RBFOX3: variants seen among roughly 807,000 people sequenced by gnomAD.
RBFOX3 encodes RNA binding fox-1 homolog 3, also known as RNA binding protein fox-1 homolog 3.
In RBFOX3, 17 loss-of-function variants were observed where a neutral mutation model predicts 48.7. The ratio of observed to expected loss-of-function variants is 0.35; its 90% CI spans 0.24 to 0.52. RBFOX3 has a LOEUF of 0.52. RBFOX3 is among the 20% of genes least tolerant of loss of function. The probability of loss-of-function intolerance (pLI) is 0.94; values close to 1 mark genes in which losing one functional copy is unlikely to be tolerated. For missense variants in RBFOX3, 382 were observed against 497.5 expected, an observed-to-expected ratio of 0.77 and a Z score of 2.21; for synonymous variants, 212 against 209.5, an observed-to-expected ratio of 1.01 and a Z score of -0.10.
rs2065804468 is a variant in RBFOX3 at position 79,418,929 on chromosome 17, T to C, written c.-175+63525A>G. On this transcript the variant is annotated intron_variant, in intron 2 of 14. Transcript: ENST00000693108. This position sits in a 1 kb window ranked among gnomAD's most constrained non-coding sequence, Gnocchi z 5.0. ...GTATCCTTATTTAATCTATAGCAAT[T>C]ATATTCACATTCTGCTAGACAAATA... Among the ~76,000 whole-genome samples the C allele has an allele frequency of 6.6e-6, 1 of 152,128 alleles. No homozygotes were observed. Among genetic ancestry groups the C allele is most frequent in the South Asian group, 2.1e-4 (1 of 4,826 alleles).
At chr17:79,108,022 C>T (rs756796431) in intron 5 of RBFOX3, among the ~76,000 whole-genome samples, 5 of 152,230 alleles carry the variant, frequency 3.3e-5, no homozygotes, top group Middle Eastern at 3.2e-3. Context: ...TTCGCCTTCC[C>T]GCCTCAATTC....
intron 4 of RBFOX3, among the ~76,000 whole-genome samples, chr17:79,190,065 A>G (rs2054160747): frequency 6.6e-6 from 1 of 152,230 alleles, no homozygotes; most frequent in Non-Finnish European, 1.5e-5. Flanking sequence ...CTCCTTCAGC[A>G]TCAGGGTCAA....
the RBFOX3 span, among the ~76,000 whole-genome samples, chr17:79,653,671 G>A: frequency 6.6e-6 from 1 of 152,054 alleles, no homozygotes; most frequent in African/African-American, 2.4e-5. Flanking sequence ...AGCAGTAGAA[G>A]AATAGGCAGA....
intron 2 of RBFOX3, among the ~76,000 whole-genome samples, chr17:79,373,292 C>T (rs374479293): frequency 6.6e-6 from 1 of 152,138 alleles, no homozygotes; most frequent in African/African-American, 2.4e-5. Flanking sequence ...AGGGCCTAGT[C>T]GACACCTCTC....
At chr17:79,248,241 T>G (rs1328961837) in intron 3 of RBFOX3, among the ~76,000 whole-genome samples, 3 of 147,914 alleles carry the variant, frequency 2.0e-5, no homozygotes, top group Non-Finnish European at 4.5e-5. Context: ...TGTGTGTGTG[T>G]TTTTTTTTTG....
intron 4 of RBFOX3, among the ~76,000 whole-genome samples, chr17:79,197,214 G>GGGGCTGTCCACATACAGCCCTCCC (rs1286174780): frequency 6.6e-6 from 1 of 151,368 alleles, no homozygotes; most frequent in African/African-American, 2.4e-5. Flanking sequence ...GCAGCCCTCC[G>GGGGCTGTCCACATACAGCCCTCCC]TCGGGGCTGT....
intron 5 of RBFOX3, among the ~76,000 whole-genome samples, chr17:79,108,787 TC>T (rs1256053802): frequency 6.6e-6 from 1 of 152,232 alleles, no homozygotes; most frequent in African/African-American, 2.4e-5. Context: ...AGTCACCACT[TC>T]CTGGGCTGCG....
At chr17:79,433,763 A>C (rs531020602) in intron 2 of RBFOX3, among the ~76,000 whole-genome samples, 1 of 151,864 alleles carries the variant, frequency 6.6e-6, no homozygotes, top group Admixed American at 6.5e-5. Flanking sequence ...TGCCATGGTT[A>C]TGTTCTATCA....
At chr17:79,301,755 T>C (rs774457529) in intron 3 of RBFOX3, among the ~76,000 whole-genome samples, 6 of 152,102 alleles carry the variant, frequency 3.9e-5, no homozygotes, top group Non-Finnish European at 7.4e-5. Flanking sequence ...CACCCATACG[T>C]TGGAAACTAT....
At chr17:79,156,353 G>A (rs2145095526) in intron 4 of RBFOX3, among the ~76,000 whole-genome samples, 1 of 152,216 alleles carries the variant, frequency 6.6e-6, no homozygotes, top group Middle Eastern at 3.4e-3. Context: ...GCCTCCCGGG[G>A]CCTACACCAG....
At chr17:79,429,489 C>G (rs782187240) in intron 2 of RBFOX3, among the ~76,000 whole-genome samples, 2 of 152,100 alleles carry the variant, frequency 1.3e-5, no homozygotes, top group African/African-American at 4.8e-5. Context: ...GAGGCCATGC[C>G]GTGGACTGGG....
rs1466820623 is a variant in RBFOX3 at position 79,243,912 on chromosome 17, AG to A, written c.-73-8108del. Among the ~76,000 whole-genome samples the A allele has an allele frequency of 6.6e-6, 1 of 152,068 alleles. No homozygotes were observed. The highest frequency in any genetic ancestry group is 2.1e-4 in the South Asian group (1 of 4,814). On this transcript the variant is annotated intron_variant, in intron 3 of 14. Coordinates refer to ENST00000693108, the MANE Select transcript of RBFOX3 (RefSeq NM_001350451.2). The surrounding 1 kb of genome is among the most constrained non-coding windows in gnomAD (Gnocchi z 7.9). ...AGAAATGGCCTGCGGTCCCAGAGGTAGGGGGCAGGTGGGAGGCCCAGTGTGG... is the reference window on the plus strand; with the variant it reads ...AGAAATGGCCTGCGGTCCCAGAGGTAGGGGCAGGTGGGAGGCCCAGTGTGG...
In RBFOX3 at chr17:79,343,803, A is replaced by G. The variant is rs578176398; in HGVS notation, c.-174-35979T>C. On this transcript the variant is annotated intron_variant, in intron 2 of 14. Coordinates refer to ENST00000693108, the MANE Select transcript of RBFOX3 (RefSeq NM_001350451.2). ...GTCCTGTCAGCCCATCTTACAGGTG[A>G]GGAAGCTGAACTCAGAGGTGGAAGA... 3.3e-5 allele frequency among the ~76,000 whole-genome samples: 5 copies of G among 152,288 alleles called. No homozygotes were observed. The East Asian group carries it at 9.6e-4, about 29-fold the overall frequency.
At chr17:79,575,182 G>C (rs1478906330) in intron 1 of RBFOX3, among the ~76,000 whole-genome samples, 2 of 152,230 alleles carry the variant, frequency 1.3e-5, no homozygotes, top group Non-Finnish European at 2.9e-5. Context: ...AAAGGCGCTG[G>C]TTCAACGCAC....
intron 4 of RBFOX3, among the ~76,000 whole-genome samples, chr17:79,210,190 G>A (rs563038776): frequency 1.6e-4 from 25 of 152,178 alleles, no homozygotes; most frequent in Non-Finnish European, 2.9e-4. Flanking sequence ...GGGGCCACCC[G>A]GTTAGGGCAA....
intron 2 of RBFOX3, among the ~76,000 whole-genome samples, chr17:79,350,877 CT>C (rs1478728852): frequency 1.1e-4 from 16 of 152,344 alleles, no homozygotes; most frequent in Admixed American, 9.8e-4. Context: ...AGTGCCCTGG[CT>C]GTCACCTCAT....
chr17:79,463,372 TGCCACC>T (rs2075761288), intron 2 of RBFOX3, among the ~76,000 whole-genome samples: 1 of 82,398 alleles, frequency 1.2e-5, no homozygotes, highest in South Asian at 5.1e-4. Context: ...CCACCGCCAG[TGCCACC>T]GCCACCTCCA....
intron 1 of RBFOX3, among the ~76,000 whole-genome samples, chr17:79,555,841 A>G (rs2091710663): frequency 6.7e-6 from 1 of 149,370 alleles, no homozygotes; most frequent in African/African-American, 2.5e-5. Context: ...GATGGTGGTG[A>G]TGGTAACGGT....
chr17:79,396,802 G>A (rs2148323989), intron 2 of RBFOX3, among the ~76,000 whole-genome samples: 1 of 152,328 alleles, frequency 6.6e-6, no homozygotes, highest in Non-Finnish European at 1.5e-5. Context: ...AAGTTGTCCA[G>A]AATTCCCAGA....
Sources: allele counts gnomAD v4.1 joint callset (sites outside exome capture counted in the v4.1 genomes callset), GRCh38; gene constraint gnomAD v4.1.1; non-coding constraint Gnocchi (gnomAD v3.1); transcripts MANE v1.5; gene names NCBI Gene and HGNC (gene_info 2026-07-23, HGNC 2026-07-21).